Variants in TTC27 observed in about 807,000 individuals in gnomAD.
The protein encoded by TTC27 is tetratricopeptide repeat protein 27.
In TTC27, 79 loss-of-function variants were observed where a neutral mutation model predicts 115.9. The ratio of observed to expected loss-of-function variants is 0.68; its 90% CI spans 0.57 to 0.82. The LOEUF is 0.82. Ranked by LOEUF, TTC27 falls within the 40% of genes least tolerant of loss-of-function variation. The pLI is 0.00. For synonymous variants in TTC27, 401 were observed against 356.0 expected, an observed-to-expected ratio of 1.13 and a Z score of -1.42; for missense variants, 1,054 against 993.1, an observed-to-expected ratio of 1.06 and a Z score of -0.82.
intron 13 of TTC27, among the ~76,000 whole-genome samples, chr2:32,763,521 G>A (rs557222643): frequency 3.1e-4 from 47 of 152,120 alleles, no homozygotes; most frequent in Non-Finnish European, 6.2e-4. Flanking sequence ...ATCTGGAAAG[G>A]GTTAGGGGGA....
intron 5 of TTC27, among the ~76,000 whole-genome samples, chr2:32,652,328 G>A (rs1363804546): frequency 3.3e-5 from 5 of 151,936 alleles, no homozygotes; most frequent in African/African-American, 4.8e-5. Flanking sequence ...CTGAGATCGC[G>A]TCATTGCACT....
intron 1 of TTC27, among the ~76,000 whole-genome samples, chr2:32,628,747 T>C (rs764098407): frequency 0.015 from 1,843 of 122,850 alleles, 30 homozygotes; most frequent in African/African-American, 0.05. Context: ...ATCTATTTAT[T>C]TATTTATTTA....
intron 12 of TTC27, among the ~76,000 whole-genome samples, chr2:32,756,894 A>G (rs539512982): frequency 2.0e-5 from 3 of 152,310 alleles, no homozygotes; most frequent in African/African-American, 7.2e-5. Flanking sequence ...GATGGTGGAC[A>G]TGGTGGTGGG....
intron 10 of TTC27, among the ~76,000 whole-genome samples, chr2:32,718,008 G>A (rs1037363349): frequency 1.3e-5 from 2 of 152,010 alleles, no homozygotes; most frequent in African/African-American, 4.8e-5. Flanking sequence ...TATGAGCATT[G>A]TATGAATTAA....
At chr2:32,699,706 C>G (rs1034688730) in intron 9 of TTC27, among the ~76,000 whole-genome samples, 4 of 152,172 alleles carry the variant, frequency 2.6e-5, no homozygotes, top group African/African-American at 9.7e-5. Flanking sequence ...TTCAGAAAGA[C>G]TTTCTCAAGT....
At chr2:32,794,751 G>T in intron 16 of TTC27, among the ~76,000 whole-genome samples, 1 of 151,942 alleles carries the variant, frequency 6.6e-6, no homozygotes. Context: ...AATGAAAATG[G>T]GGGACATTAC....
At chr2:32,736,924 C>CT (rs1439604739) in intron 12 of TTC27, 108 bp downstream of exon 12, 8 of 1,370,036 alleles carry the variant, frequency 5.8e-6, no homozygotes, top group Non-Finnish European at 7.8e-6. Flanking sequence ...ACTTATATTC[C>CT]TTTTTTCACT....
chr2:32,660,444 G>T (rs898240065), intron 5 of TTC27, among the ~76,000 whole-genome samples: 30 of 152,144 alleles, frequency 2.0e-4, no homozygotes, highest in African/African-American at 5.5e-4. Flanking sequence ...CATGTCCTTT[G>T]CAGGGACATG....
chr2:32,774,122 G>A (rs552996685), intron 13 of TTC27, among the ~76,000 whole-genome samples: 68 of 151,492 alleles, frequency 4.5e-4, no homozygotes, highest in Middle Eastern at 6.9e-3. Flanking sequence ...TGAAGGAATC[G>A]CATATTGGAT....
intron 12 of TTC27, among the ~76,000 whole-genome samples, chr2:32,742,904 A>C (rs929346635): frequency 4.6e-5 from 7 of 152,228 alleles, no homozygotes; most frequent in African/African-American, 1.7e-4. Context: ...CACTTTTTAA[A>C]AATTTTTTTT....
intron 3 of TTC27, chr2:32,635,142 T>G (rs1334936685): frequency 6.6e-6 from 1 of 152,220 alleles, no homozygotes; most frequent in Non-Finnish European, 1.5e-5. Flanking sequence ...GCTTGCAGTT[T>G]GAGTTCCTCA....
intron 11 of TTC27, among the ~76,000 whole-genome samples, chr2:32,734,539 A>C (rs979545836): frequency 2.6e-5 from 4 of 152,336 alleles, no homozygotes; most frequent in Non-Finnish European, 5.9e-5. Context: ...GAGAATACCT[A>C]CTGTAGCTCC....
chr2:32,751,965 G>T (rs1203479019), intron 12 of TTC27, among the ~76,000 whole-genome samples: 1 of 152,122 alleles, frequency 6.6e-6, no homozygotes, highest in Admixed American at 6.5e-5. Flanking sequence ...TTCATCAGCT[G>T]CCCATCTAGT....
At chr2:32,745,419 G>A (rs527892740) in intron 12 of TTC27, among the ~76,000 whole-genome samples, 1 of 152,122 alleles carries the variant, frequency 6.6e-6, no homozygotes, top group Non-Finnish European at 1.5e-5. Flanking sequence ...AGACTGAAGG[G>A]CTTGAGTCAT....
At chr2:32,744,336 A>G (rs566780226) in intron 12 of TTC27, among the ~76,000 whole-genome samples, 1 of 152,316 alleles carries the variant, frequency 6.6e-6, no homozygotes, top group Non-Finnish European at 1.5e-5. Context: ...ATGTGGAAAA[A>G]TTTAGTTTTG....
chr2:32,672,262 A>C lies in TTC27; in HGVS notation c.940-10A>C. 1 of 1,601,606 alleles carries C rather than the reference A, an allele frequency of 6.2e-7. No homozygotes were observed. The highest frequency in any genetic ancestry group is 8.5e-7 in the Non-Finnish European group (1 of 1,170,936). ...TTTTGGTCTAAGTATTTTCTTTTGT[A>C]TTCTACTAGAATCTTGAGCTCAATG... On this transcript the variant is annotated splice_polypyrimidine_tract_variant and intron_variant, in intron 7 of 19. Transcript: ENST00000317907.
intron 8 of TTC27, among the ~76,000 whole-genome samples, chr2:32,673,696 G>A: frequency 6.6e-6 from 1 of 152,024 alleles, no homozygotes. Flanking sequence ...CATTTATTTT[G>A]TAATTAACAT....
intron 10 of TTC27, among the ~76,000 whole-genome samples, chr2:32,733,445 T>G (rs1018684636): frequency 1.3e-5 from 2 of 152,226 alleles, no homozygotes; most frequent in Non-Finnish European, 2.9e-5. Context: ...GAGTTCTTCA[T>G]GTAATTTTTC....
intron 16 of TTC27, among the ~76,000 whole-genome samples, chr2:32,802,095 G>A (rs537154241): frequency 7.3e-5 from 11 of 151,492 alleles, no homozygotes; most frequent in South Asian, 2.1e-4. Flanking sequence ...CATTAGATCC[G>A]CAAGGGTGTC....
Sources: gnomAD v4.1 joint callset for allele counts (sites outside exome capture counted in the v4.1 genomes callset) on GRCh38, gnomAD v4.1.1 for gene constraint, MANE v1.5 for transcripts, NCBI Gene and HGNC (gene_info 2026-07-23, HGNC 2026-07-21) for gene names.